ZNF2: variants seen among roughly 807,000 people sequenced by gnomAD.
ZNF2 encodes the protein zinc finger protein 2.2.
A neutral mutation model predicts 21.9 loss-of-function variants in ZNF2; 12 were observed. That is an observed-to-expected ratio of 0.55 (90% CI 0.35 to 0.89). The LOEUF (loss-of-function observed/expected upper bound fraction) is 0.89, where lower values mean the gene tolerates loss of function less well. ZNF2 is among the 40% of genes least tolerant of loss of function. The pLI is 0.01. For synonymous variants in ZNF2, 186 were observed against 196.3 expected (o/e 0.95, Z 0.44); for missense variants, 462 against 544.2 (o/e 0.85, Z 1.50).
intron 4 of ZNF2, 142 bp downstream of exon 4, chr2:95,180,414 A>AT (rs1674599186): frequency 1.6e-5 from 9 of 555,534 alleles, no homozygotes; most frequent in South Asian, 1.1e-4. Context: ...AATAGCTTTT[A>AT]TTTTTTTCCC....
intron 1 of ZNF2, among the ~76,000 whole-genome samples, chr2:95,167,755 G>A (rs1479239561): frequency 6.6e-6 from 1 of 151,642 alleles, no homozygotes; most frequent in Admixed American, 6.6e-5. Context: ...GCTGAGGTGG[G>A]AGAATCACTT....
chr2:95,176,364 A>G, intron 2 of ZNF2, 105 bp downstream of exon 2: 1 of 1,348,740 alleles, frequency 7.4e-7, no homozygotes, highest in Non-Finnish European at 1.1e-6. Flanking sequence ...AGCCAGGCAG[A>G]TGAAGGACTC....
intron 1 of ZNF2, among the ~76,000 whole-genome samples, chr2:95,167,559 A>C (rs1238641706): frequency 6.6e-6 from 1 of 151,216 alleles, no homozygotes; most frequent in Non-Finnish European, 1.5e-5. Flanking sequence ...TCAGAAATGC[A>C]TTGGTAGGCC....
In ZNF2 at chr2:95,182,233, CAG is replaced by C. The variant is rs1326950429; in HGVS notation, c.*130_*131del. 3 of 1,237,746 alleles carry C rather than the reference CAG, an allele frequency of 2.4e-6. No homozygotes were observed. Among genetic ancestry groups the C allele is most frequent in the African/African-American group, 1.5e-5 (1 of 65,878 alleles). The allele number at this position is 1,237,746 out of a possible 1,614,324, so 76.7% of individuals were successfully genotyped here. A position where few individuals can be genotyped will look rare whatever the true frequency, so the allele number is the denominator to read the frequency against. ...CCGTTGTCCTGTCCTGCTTCTGCGCCAGAGTGTTTAATAAGCACTCCCTTCCT... is the reference window on the plus strand; with the variant it reads ...CCGTTGTCCTGTCCTGCTTCTGCGCCAGTGTTTAATAAGCACTCCCTTCCT... On this transcript the variant is annotated 3_prime_UTR_variant, in exon 5 of 5. Transcript: ENST00000614034.
At chr2:95,168,723 T>TTG (rs1674170787) in intron 1 of ZNF2, among the ~76,000 whole-genome samples, 1 of 152,258 alleles carries the variant, frequency 6.6e-6, no homozygotes, top group Admixed American at 6.5e-5. Flanking sequence ...TTTATAACTA[T>TTG]GCTGTGAGTT....
chr2:95,172,490 G>A (rs1187102786), intron 1 of ZNF2, among the ~76,000 whole-genome samples: 2 of 152,000 alleles, frequency 1.3e-5, no homozygotes, highest in Non-Finnish European at 2.9e-5. Context: ...TATGAAGAAT[G>A]GTAAGAAAAT....
chr2:95,166,311 A>G (rs1191373119), intron 1 of ZNF2, among the ~76,000 whole-genome samples: 4 of 152,026 alleles, frequency 2.6e-5, no homozygotes, highest in Admixed American at 6.5e-5. Flanking sequence ...CGTGAAAGAA[A>G]AACAACAACA....
In ZNF2 at chr2:95,183,888, G is replaced by A. The variant is rs1179866368; in HGVS notation, c.*1782G>A. ...GCCCGCCTCGGCCTCCCAAAGTGCT[G>A]GGATTACAGACGTAAGTCACCGTGC... is the stretch of plus-strand genomic sequence containing the variant. On this transcript the variant is annotated 3_prime_UTR_variant, in exon 5 of 5. Coordinates refer to ENST00000614034, the MANE Select transcript of ZNF2 (RefSeq NM_021088.4). 2.0e-5 allele frequency: 3 copies of A among 152,044 alleles called. No homozygotes were observed. Among genetic ancestry groups the A allele is most frequent in the Non-Finnish European group, 4.4e-5 (3 of 68,058 alleles). 9.4% of individuals were successfully genotyped at this position (152,044 alleles called of 1,614,324 possible).
chr2:95,176,303 A>G (rs760500074), intron 2 of ZNF2, 44 bp downstream of exon 2: 1 of 1,613,436 alleles, frequency 6.2e-7, no homozygotes, highest in South Asian at 1.1e-5. Flanking sequence ...ATTCATCTCC[A>G]GAATGTAACC....
At chr2:95,172,021 G>C (rs1343251816) in intron 1 of ZNF2, among the ~76,000 whole-genome samples, 1 of 152,152 alleles carries the variant, frequency 6.6e-6, no homozygotes, top group Non-Finnish European at 1.5e-5. Flanking sequence ...CCGTATATAG[G>C]CTTGCTTCTA....
intron 1 of ZNF2, among the ~76,000 whole-genome samples, chr2:95,171,663 G>A (rs753297083): frequency 6.6e-6 from 1 of 152,230 alleles, no homozygotes; most frequent in Non-Finnish European, 1.5e-5. Flanking sequence ...TTACAGGCGT[G>A]AGCCACCGCA....
intron 1 of ZNF2, among the ~76,000 whole-genome samples, chr2:95,170,814 A>G (rs1674243462): frequency 6.6e-6 from 1 of 152,150 alleles, no homozygotes; most frequent in African/African-American, 2.4e-5. Flanking sequence ...TTCTCTTTCT[A>G]CTTGATACTT....
At chr2:95,172,224 A>G (rs1226194001) in intron 1 of ZNF2, among the ~76,000 whole-genome samples, 1 of 152,222 alleles carries the variant, frequency 6.6e-6, no homozygotes, top group Non-Finnish European at 1.5e-5. Flanking sequence ...CCAATAGGAG[A>G]GCACATGTTC....
chr2:95,179,472 A>G (rs1674563220), intron 3 of ZNF2, among the ~76,000 whole-genome samples: 2 of 152,226 alleles, frequency 1.3e-5, no homozygotes, highest in Non-Finnish European at 2.9e-5. Context: ...GCAAACAAAT[A>G]AACAAAAATG....
intron 1 of ZNF2, among the ~76,000 whole-genome samples, chr2:95,172,269 G>C (rs773248500): frequency 7.9e-5 from 12 of 152,120 alleles, no homozygotes; most frequent in Non-Finnish European, 1.8e-4. Context: ...AATAGTTTAG[G>C]CATAGTAGAC....
chr2:95,171,689 C>T (rs570891693), intron 1 of ZNF2, among the ~76,000 whole-genome samples: 2 of 152,338 alleles, frequency 1.3e-5, no homozygotes, highest in African/African-American at 2.4e-5. Flanking sequence ...CCTGTCTGTT[C>T]TTAATAGCTT....
At chr2:95,167,523 A>AAAAG (rs1342413448) in intron 1 of ZNF2, among the ~76,000 whole-genome samples, 17 of 150,838 alleles carry the variant, frequency 1.1e-4, no homozygotes, top group African/African-American at 1.5e-4. Context: ...AAAAAAAAAA[A>AAAAG]AAAGAAAGAA....
intron 1 of ZNF2, among the ~76,000 whole-genome samples, chr2:95,170,380 G>C (rs772101857): frequency 6.6e-6 from 1 of 152,030 alleles, no homozygotes; most frequent in South Asian, 2.1e-4. Flanking sequence ...TGCTTTTCAC[G>C]TAGTTTTTGC....
At position 95,176,186 on chromosome 2, in the gene ZNF2, A is replaced by G. The variant is rs1307290138; in HGVS notation, c.-39-2A>G. 1 of 1,613,926 alleles carries G rather than the reference A, an allele frequency of 6.2e-7. No homozygotes were observed. Among genetic ancestry groups the G allele is most frequent in the Non-Finnish European group, 8.5e-7 (1 of 1,179,838 alleles). On this transcript the variant is annotated splice_acceptor_variant, in intron 1 of 4. Coordinates refer to ENST00000614034, the MANE Select transcript of ZNF2 (RefSeq NM_021088.4). LOFTEE classifies it low-confidence loss of function (5UTR_SPLICE). ...TCTCACCCCCCACTTCTGCCTCATT[A>G]GGACTCTGCCCTTGTCCACAAGGAG...
Sources: gnomAD v4.1 joint callset for allele counts (sites outside exome capture counted in the v4.1 genomes callset) on GRCh38, gnomAD v4.1.1 for gene constraint, MANE v1.5 for transcripts, NCBI Gene and HGNC (gene_info 2026-07-23, HGNC 2026-07-21) for gene names.